Variants in GRIN2B observed in about 807,000 individuals in gnomAD.
GRIN2B encodes the protein glutamate ionotropic receptor NMDA type subunit 2B, also known as glutamate receptor ionotropic, NMDA 2B.
Under a neutral mutation model 114.5 loss-of-function variants are expected in GRIN2B, and 5 were observed. The ratio of observed to expected loss-of-function variants is 0.04; its 90% CI spans 0.02 to 0.09. The LOEUF (loss-of-function observed/expected upper bound fraction) is 0.09, where lower values mean the gene tolerates loss of function less well. Among genes scored for constraint, GRIN2B ranks in the 10% least tolerant of loss-of-function variants. The pLI, the probability that GRIN2B is intolerant of heterozygous loss-of-function variation, is 1.00. For missense variants in GRIN2B, 1,108 were observed against 1,943.5 expected (o/e 0.57, Z 8.08); for synonymous variants, 787 against 745.1 (o/e 1.06, Z -0.92).
At chr12:13,852,319 G>A (rs190207906) in intron 3 of GRIN2B, among the ~76,000 whole-genome samples, 2 of 152,266 alleles carry the variant, frequency 1.3e-5, no homozygotes, top group African/African-American at 2.4e-5. Flanking sequence ...GACAAATCCA[G>A]GAGGAGTCAA....
intron 10 of GRIN2B, 58 bp from the exon 11 acceptor site, chr12:13,572,022 A>C: frequency 7.3e-7 from 1 of 1,362,208 alleles, no homozygotes; most frequent in Non-Finnish European, 1.0e-6. Flanking sequence ...GAGAGAGAGA[A>C]AAGTCATTTT....
chr12:13,605,551 T>TCTCTCTCTCTCACACACACA, intron 10 of GRIN2B, among the ~76,000 whole-genome samples: 1 of 30,444 alleles, frequency 3.3e-5, no homozygotes, highest in Non-Finnish European at 7.3e-5. Context: ...TCTCTCTCTC[T>TCTCTCTCTCTCACACACACA]GACACACACA....
intron 5 of GRIN2B, among the ~76,000 whole-genome samples, chr12:13,636,144 T>C (rs1361323541): frequency 6.6e-6 from 1 of 152,178 alleles, no homozygotes; most frequent in Non-Finnish European, 1.5e-5. Context: ...GTGAATGTCA[T>C]GTGACTATCT....
chr12:13,915,025 T>C (rs766092620), intron 2 of GRIN2B, among the ~76,000 whole-genome samples: 14 of 152,172 alleles, frequency 9.2e-5, no homozygotes, highest in Non-Finnish European at 1.3e-4. Flanking sequence ...TAATCTATTG[T>C]ATATTTTCAA....
chr12:13,808,633 T>A (rs558999809), intron 3 of GRIN2B, among the ~76,000 whole-genome samples: 1 of 151,588 alleles, frequency 6.6e-6, no homozygotes, highest in Non-Finnish European at 1.5e-5. Flanking sequence ...TAAGGAGATA[T>A]ACCTAATGTA....
At chr12:13,843,735 G>T (rs1459919721) in intron 3 of GRIN2B, among the ~76,000 whole-genome samples, 1 of 152,148 alleles carries the variant, frequency 6.6e-6, no homozygotes, top group Non-Finnish European at 1.5e-5. Context: ...GGAACACGTT[G>T]CAAATCTATC....
intron 4 of GRIN2B, among the ~76,000 whole-genome samples, chr12:13,748,542 A>G (rs1408381734): frequency 1.3e-5 from 2 of 152,220 alleles, no homozygotes; most frequent in Non-Finnish European, 2.9e-5. Flanking sequence ...CATTTTCTAA[A>G]CATTTTCAGA....
chr12:13,739,098 T>C (rs991199079), intron 4 of GRIN2B, among the ~76,000 whole-genome samples: 2 of 152,052 alleles, frequency 1.3e-5, no homozygotes, highest in Non-Finnish European at 2.9e-5. Context: ...AAGAAAAATG[T>C]GGCTAGGTGT....
chr12:13,707,941 G>A (rs1184305918), intron 4 of GRIN2B, among the ~76,000 whole-genome samples: 2 of 152,012 alleles, frequency 1.3e-5, no homozygotes, highest in Admixed American at 6.6e-5. Context: ...CAGAGCTCTT[G>A]TAGAGAGCTG....
intron 3 of GRIN2B, among the ~76,000 whole-genome samples, chr12:13,755,156 A>G (rs1344489837): frequency 6.6e-6 from 1 of 152,174 alleles, no homozygotes. Flanking sequence ...CTCCAATGAG[A>G]GCTTCAAAGT....
chr12:13,813,112 G>T lies in GRIN2B; in HGVS notation c.411+52686C>A, dbSNP rs187111676. On this transcript the variant is annotated intron_variant, in intron 3 of 13. Transcript: ENST00000609686. Reference sequence around the variant, plus strand: ...CCGCCACCACTCCCAGCTAATTTTTGTATTTTTAGTAGAGATAGGGTTTCA... The same window carrying T: ...CCGCCACCACTCCCAGCTAATTTTTTTATTTTTAGTAGAGATAGGGTTTCA... Among the ~76,000 whole-genome samples, 246 of 151,810 alleles carry T rather than the reference G, an allele frequency of 1.6e-3. 3 individuals are homozygous for T. Among genetic ancestry groups the T allele is most frequent in the African/African-American group, 5.8e-3 (239 of 41,420 alleles).
intron 4 of GRIN2B, among the ~76,000 whole-genome samples, chr12:13,716,492 C>T (rs1252258451): frequency 1.3e-5 from 2 of 151,748 alleles, no homozygotes; most frequent in Non-Finnish European, 2.9e-5. Flanking sequence ...AATATCTTAC[C>T]GTTGAGAAGA....
Position 13,569,760 on chromosome 12 carries a change from A to G in GRIN2B, c.2359+70T>C, listed in dbSNP as rs192662615. On this transcript the variant is annotated intron_variant, in intron 12 of 13. Transcript: ENST00000609686. ...GCACAGGTTAAAGAAATGGAAGAAA[A>G]GGAAAGGTTGATGTTTTGGACTGGC... is the stretch of plus-strand genomic sequence containing the variant. 10 of 948,440 alleles carry G rather than the reference A, an allele frequency of 1.1e-5. No individual in the cohort carries two copies. In the Admixed American group the frequency reaches 2.3e-4, roughly 22 times the overall value. 58.8% of individuals were successfully genotyped at this position (948,440 alleles called of 1,614,324 possible).
At position 13,616,698 on chromosome 12, in the gene GRIN2B, C is replaced by T. The variant is rs763808451; in HGVS notation, c.1126-41G>A. 4.7e-6 allele frequency: 7 copies of T among 1,476,888 alleles called. No individual in the cohort carries two copies. In the East Asian group the frequency reaches 1.4e-4, roughly 29 times the overall value. The allele number at this position is 1,476,888 out of a possible 1,614,324, so 91.5% of individuals were successfully genotyped here. On this transcript the variant is annotated intron_variant, in intron 5 of 13. Transcript: ENST00000609686. ...CACAAGAATCAGAAACCACTGGCCA[C>T]AACATAACAAACAGCCTGTCCCAGT...
intron 3 of GRIN2B, among the ~76,000 whole-genome samples, chr12:13,844,214 A>G (rs1024169207): frequency 6.6e-6 from 1 of 152,198 alleles, no homozygotes. Flanking sequence ...ACTTGGTCAT[A>G]TTTGGCTTGA....
At chr12:13,971,766 C>T (rs533567947) in intron 2 of GRIN2B, among the ~76,000 whole-genome samples, 187 of 152,312 alleles carry the variant, frequency 1.2e-3, no homozygotes, top group Non-Finnish European at 2.3e-3. Flanking sequence ...AAGAACTGCT[C>T]GCCCTATTTT....
chr12:13,963,352 C>G (rs991149761), intron 2 of GRIN2B, among the ~76,000 whole-genome samples: 5 of 152,166 alleles, frequency 3.3e-5, no homozygotes, highest in African/African-American at 1.2e-4. Context: ...TGAACGCACC[C>G]AGCTTCTGCA....
intron 12 of GRIN2B, among the ~76,000 whole-genome samples, chr12:13,567,855 T>C (rs1948661178): frequency 6.6e-6 from 1 of 151,888 alleles, no homozygotes; most frequent in African/African-American, 2.4e-5. Flanking sequence ...GATGTAAGAG[T>C]GCTGAAGATC....
rs761659003 is a variant in GRIN2B, at chr12:13,563,500, C to T, written c.3738G>A (p.Lys1246=). The stretch of plus-strand genomic sequence containing the variant: ...TGATGTCATACAGGTTGCCTGCTTT[C>T]TTGCAAGCCTCACACCGGATGCACG... ...RQACIRCEAC[K]KAGNLYDISE... is the part of the protein sequence containing the mutation. Residue 1246 remains lysine (K), a synonymous_variant, in exon 14 of 14, where the codon AAG becomes AAA. Transcript: ENST00000609686. 1.2e-6 allele frequency: 2 copies of T among 1,614,152 alleles called. No homozygotes were observed. Among genetic ancestry groups the T allele is most frequent in the South Asian group, 2.2e-5 (2 of 91,086 alleles).
Sources: gnomAD v4.1 joint callset for allele counts (sites outside exome capture counted in the v4.1 genomes callset) on GRCh38, gnomAD v4.1.1 for gene constraint, MANE v1.5 for transcripts, NCBI Gene and HGNC (gene_info 2026-07-23, HGNC 2026-07-21) for gene names.